Variants in UGCG observed in about 807,000 individuals in gnomAD.
UGCG encodes UDP-glucose ceramide glucosyltransferase.
In UGCG, 10 loss-of-function variants were observed where a neutral mutation model predicts 49.5. That is an observed-to-expected ratio of 0.20 (90% CI 0.12 to 0.34). The LOEUF (loss-of-function observed/expected upper bound fraction) is 0.34, where lower values mean the gene tolerates loss of function less well. UGCG is among the 10% of genes least tolerant of loss of function. The pLI, the probability that UGCG is intolerant of heterozygous loss-of-function variation, is 1.00. For missense variants in UGCG, 312 were observed against 483.7 expected (o/e 0.65, Z 3.33); for synonymous variants, 182 against 158.2 (o/e 1.15, Z -1.13).
chr9:111,922,784 A>C (rs548232196), intron 2 of UGCG, 65 bp from the exon 3 acceptor site: 3 of 1,152,058 alleles, frequency 2.6e-6, no homozygotes. Context: ...TTGTTCAATC[A>C]ATACATGCTA....
intron 6 of UGCG, among the ~76,000 whole-genome samples, chr9:111,930,617 G>A (rs866905893): frequency 7.9e-5 from 12 of 151,978 alleles, no homozygotes; most frequent in African/African-American, 2.4e-4. Flanking sequence ...ATAGGCACCC[G>A]CCGCCACACT....
At chr9:111,905,848 C>T (rs745390618) in intron 1 of UGCG, among the ~76,000 whole-genome samples, 3 of 152,174 alleles carry the variant, frequency 2.0e-5, no homozygotes, top group Non-Finnish European at 2.9e-5. Flanking sequence ...ATTTACCTTA[C>T]GGTGGATGGC....
intron 3 of UGCG, among the ~76,000 whole-genome samples, chr9:111,924,148 A>G (rs148546089): frequency 1.6e-3 from 248 of 152,250 alleles, no homozygotes; most frequent in African/African-American, 5.5e-3. Flanking sequence ...TTATGAATTT[A>G]TACTGTTTTA....
intron 2 of UGCG, chr9:111,915,000 GA>G (rs1316065558): frequency 5.4e-6 from 2 of 369,804 alleles, no homozygotes; most frequent in African/African-American, 4.1e-5. Flanking sequence ...CTGAAACTCA[GA>G]CATTGTCAAG....
chr9:111,899,896 T>C (rs1380565613), intron 1 of UGCG, among the ~76,000 whole-genome samples: 1 of 152,200 alleles, frequency 6.6e-6, no homozygotes, highest in African/African-American at 2.4e-5. Context: ...ATTTTTATTA[T>C]AAACTAAATT....
rs1838467014 is a variant in UGCG, at chr9:111,933,686, C to T, written c.*689C>T. 1 of 152,202 alleles carries T rather than the reference C, an allele frequency of 6.6e-6. No homozygotes were observed. Among genetic ancestry groups the T allele is most frequent in the South Asian group, 2.1e-4 (1 of 4,830 alleles). 9.4% of individuals were successfully genotyped at this position (152,202 alleles called of 1,614,324 possible). On this transcript the variant is annotated 3_prime_UTR_variant, in exon 9 of 9. Coordinates refer to ENST00000374279, the MANE Select transcript of UGCG (RefSeq NM_003358.3). ...TCTCACTGCAATGAACCAAAAGCGG[C>T]TGAGTTTGGTTTTTAATTGTAGCCA...
intron 1 of UGCG, among the ~76,000 whole-genome samples, chr9:111,901,346 C>T (rs190232873): frequency 4.5e-4 from 69 of 152,214 alleles, no homozygotes; most frequent in African/African-American, 1.5e-3. Context: ...AAATTGAGAA[C>T]GTCTTTTTTG....
intron 1 of UGCG, among the ~76,000 whole-genome samples, chr9:111,904,902 G>T (rs566268460): frequency 6.6e-6 from 1 of 152,160 alleles, no homozygotes; most frequent in East Asian, 1.9e-4. Context: ...AGGCGGGGAG[G>T]ATCGCCTGAG....
At chr9:111,900,464 G>GTGTATA (rs1411638604) in intron 1 of UGCG, among the ~76,000 whole-genome samples, 9 of 120,656 alleles carry the variant, frequency 7.5e-5, no homozygotes, top group African/African-American at 2.9e-4. Flanking sequence ...TTACCTGGAG[G>GTGTATA]TGTATATGTA....
rs774824733 is a variant in UGCG at position 111,922,897 on chromosome 9, G to A, written c.289G>A (p.Val97Ile). ...VQDHDDPAID[V>I]CKKLLGKYPN... Reference sequence around the variant, plus strand: ...AGATCATGATGATCCAGCCATTGATGTATGTAAGAAGCTTCTTGGAAAATA... The same window carrying A: ...AGATCATGATGATCCAGCCATTGATATATGTAAGAAGCTTCTTGGAAAATA... The change falls in exon 3 of 9, where the codon GTA (valine) becomes ATA (isoleucine). Residue 97 changes from valine to isoleucine, a missense_variant. This residue lies in a region of UGCG where 64 missense variants were observed against 67.6 expected (regional missense o/e 0.95). Coordinates refer to ENST00000374279, the MANE Select transcript of UGCG (RefSeq NM_003358.3). 3 of 1,613,104 alleles carry A rather than the reference G, an allele frequency of 1.9e-6. No homozygotes were observed. Among genetic ancestry groups the A allele is most frequent in the Admixed American group, 1.7e-5 (1 of 59,906 alleles).
chr9:111,909,770 C>G (rs747507618), intron 1 of UGCG, among the ~76,000 whole-genome samples: 19 of 152,256 alleles, frequency 1.2e-4, no homozygotes, highest in Middle Eastern at 3.4e-3. Flanking sequence ...ACAAACATTT[C>G]AAGTAATTTG....
intron 5 of UGCG, chr9:111,929,271 T>G (rs899572194): frequency 1.0e-5 from 4 of 385,842 alleles, no homozygotes; most frequent in Non-Finnish European, 1.8e-5. Flanking sequence ...TATTTTTACC[T>G]TATTTTGTAT....
chr9:111,919,794 CAAAAAA>C (rs61089422), intron 2 of UGCG, among the ~76,000 whole-genome samples: 1 of 76,334 alleles, frequency 1.3e-5, no homozygotes, highest in Non-Finnish European at 2.7e-5. Context: ...GACTCCATCT[CAAAAAA>C]AAAAAAAAAA....
At chr9:111,909,531 T>C (rs1017988292) in intron 1 of UGCG, among the ~76,000 whole-genome samples, 31 of 152,226 alleles carry the variant, frequency 2.0e-4, no homozygotes, top group African/African-American at 7.5e-4. Context: ...CTTCTGGGCA[T>C]GTGCAACCCA....
intron 1 of UGCG, among the ~76,000 whole-genome samples, chr9:111,911,503 G>A (rs1041465430): frequency 6.6e-6 from 1 of 152,018 alleles, no homozygotes; most frequent in East Asian, 1.9e-4. Flanking sequence ...GTAATGCTGG[G>A]GAAGCAGTAA....
intron 1 of UGCG, among the ~76,000 whole-genome samples, chr9:111,912,954 G>A (rs951870180): frequency 4.6e-5 from 7 of 152,148 alleles, no homozygotes; most frequent in Non-Finnish European, 8.8e-5. Flanking sequence ...TAAAACGTTA[G>A]ATGTTTGCTA....
Position 111,931,351 on chromosome 9 carries a change from T to C in UGCG, c.818T>C (p.Met273Thr), listed in dbSNP as rs754689089. The change falls in exon 7 of 9, where the codon ATG (methionine) becomes ACG (threonine). Residue 273 changes from methionine (M) to threonine (T), a missense_variant. Met to Thr is a moderately conservative substitution (Grantham distance 81). This residue lies in a region of UGCG where 180 missense variants were observed against 320.4 expected (regional missense o/e 0.56). Coordinates refer to ENST00000374279, the MANE Select transcript of UGCG (RefSeq NM_003358.3). ...SYSISQFQSR[M>T]IRWTKLRINM... ...TCAATTTCTCAGTTTCAATCCAGAA[T>C]GATCAGGTAAATCAACTGTTTTCTT... 3 of 1,613,690 alleles carry C rather than the reference T, an allele frequency of 1.9e-6. No individual in the cohort carries two copies. The highest frequency in any genetic ancestry group is 1.7e-6 in the Non-Finnish European group (2 of 1,179,974).
At chr9:111,915,104 G>A (rs1338267966) in intron 2 of UGCG, 1 of 175,116 alleles carries the variant, frequency 5.7e-6, no homozygotes, top group African/African-American at 2.4e-5. Context: ...AGCAGTGTTA[G>A]TGGTCTGAAA....
chr9:111,929,093 T>C (rs1012032572), intron 5 of UGCG, among the ~76,000 whole-genome samples: 1 of 140,492 alleles, frequency 7.1e-6, no homozygotes, highest in Non-Finnish European at 1.5e-5. Context: ...AAGGTTGATA[T>C]ACCTATGGGT....
Sources: allele counts gnomAD v4.1 joint callset (sites outside exome capture counted in the v4.1 genomes callset), GRCh38; gene constraint gnomAD v4.1.1; regional missense constraint gnomAD v4.1.1; transcripts MANE v1.5; gene names NCBI Gene and HGNC (gene_info 2026-07-23, HGNC 2026-07-21).